Variants in MTDH observed in about 807,000 individuals in gnomAD.
The protein encoded by MTDH is metadherin, also known as protein LYRIC.
In MTDH, 34 loss-of-function variants were observed where a neutral mutation model predicts 72.7. The observed-to-expected ratio is 0.47, with a 90% confidence interval of 0.36 to 0.62. The LOEUF (loss-of-function observed/expected upper bound fraction) is 0.62. MTDH is among the 20% of genes least tolerant of loss of function. The pLI is 0.00. For missense variants in MTDH, 677 were observed against 699.4 expected (o/e 0.97, Z 0.36); for synonymous variants, 266 against 268.9 (o/e 0.99, Z 0.10).
At chr8:97,667,444 T>G (rs1470887234) in intron 2 of MTDH, among the ~76,000 whole-genome samples, 1 of 152,208 alleles carries the variant, frequency 6.6e-6, no homozygotes, top group Non-Finnish European at 1.5e-5. Context: ...ATGCATAAAG[T>G]TTGCTGCAAA....
At chr8:97,707,627 T>C (rs2131050709) in intron 8 of MTDH, among the ~76,000 whole-genome samples, 1 of 152,126 alleles carries the variant, frequency 6.6e-6, no homozygotes, top group East Asian at 1.9e-4. Context: ...ATATAGCAAG[T>C]AGCCATAGAT....
intron 4 of MTDH, 70 bp from the exon 5 acceptor site, chr8:97,688,960 AATTTATGT>A: frequency 1.6e-6 from 1 of 635,492 alleles, no homozygotes. Flanking sequence ...ATTAAAAATT[AATTTATGT>A]GTTACTCCTA....
In MTDH at chr8:97,671,120, C is replaced by T. The variant is rs568297498; in HGVS notation, c.483+9947C>T. Among the ~76,000 whole-genome samples, 4 of 152,114 alleles carry T rather than the reference C, an allele frequency of 2.6e-5. No individual in the cohort carries two copies. The East Asian group carries it at 5.8e-4, about 22-fold the overall frequency. ...AGCTGGGACTACAGGCGCCCACCAC[C>T]GCGCCCGGCTAATTTTTTGTATTTT... On this transcript the variant is annotated intron_variant, in intron 2 of 11. Transcript: ENST00000336273.
intron 2 of MTDH, among the ~76,000 whole-genome samples, chr8:97,675,209 T>C (rs1274699790): frequency 6.6e-6 from 1 of 152,138 alleles, no homozygotes; most frequent in East Asian, 1.9e-4. Flanking sequence ...AAGATGTCAG[T>C]TCACCAAATT....
chr8:97,714,446 C>G (rs1814767084), intron 9 of MTDH, among the ~76,000 whole-genome samples: 1 of 151,776 alleles, frequency 6.6e-6, no homozygotes, highest in South Asian at 2.1e-4. Context: ...AACCCTGTCT[C>G]TACAAAAATT....
chr8:97,725,245 T>A lies in MTDH; in HGVS notation c.*575T>A, dbSNP rs1815308651. 2 of 152,684 alleles carry A rather than the reference T, an allele frequency of 1.3e-5. No homozygotes were observed. Among genetic ancestry groups the A allele is most frequent in the Non-Finnish European group, 2.9e-5 (2 of 68,054 alleles). The allele number at this position is 152,684 out of a possible 1,614,324, so 9.5% of individuals were successfully genotyped here. ...CTGTCATGGTTTAGTTTACAATTTT[T>A]AAAAAGTTCTTAAAATACTGAAAAT... is the stretch of plus-strand genomic sequence containing the variant. On this transcript the variant is annotated 3_prime_UTR_variant, in exon 12 of 12. Coordinates refer to ENST00000336273, the MANE Select transcript of MTDH (RefSeq NM_178812.4).
rs1027760625 is a variant in MTDH, at chr8:97,728,988, T to C, written c.*4318T>C. 6.7e-6 allele frequency among the ~76,000 whole-genome samples: 1 copy of C among 150,338 alleles called. No individual in the cohort carries two copies. Among genetic ancestry groups the C allele is most frequent in the Non-Finnish European group, 1.5e-5 (1 of 67,630 alleles). ...GTGCAGTGGCACACTTCTGGCTCAC[T>C]TCAGCCTGGAACTCCCGGGCTCGAG... On this transcript the variant is annotated 3_prime_UTR_variant, in exon 12 of 12. Transcript: ENST00000336273.
chr8:97,673,412 A>G (rs929564635), intron 2 of MTDH, among the ~76,000 whole-genome samples: 8 of 152,124 alleles, frequency 5.3e-5, no homozygotes, highest in African/African-American at 1.9e-4. Flanking sequence ...TAATCCCAGC[A>G]CTTTGGGAGG....
intron 8 of MTDH, among the ~76,000 whole-genome samples, chr8:97,708,471 G>A (rs186619157): frequency 6.4e-4 from 80 of 125,946 alleles, no homozygotes; most frequent in Middle Eastern, 6.1e-3. Context: ...TAGTAGAGAC[G>A]GGTTTTTGCC....
In MTDH at chr8:97,644,750, C is replaced by T. The variant is rs1444950854; in HGVS notation, c.244C>T (p.Arg82Trp). 1 of 1,569,784 alleles carries T rather than the reference C, an allele frequency of 6.4e-7. No individual in the cohort carries two copies. Among genetic ancestry groups the T allele is most frequent in the Non-Finnish European group, 8.6e-7 (1 of 1,165,258 alleles). ...AAACAGARKK[R>W]RSPPRKREEA... ...GGCTTGCGCCGGCGCCCGCAAAAAG[C>T]GGAGGAGCCCGCCCCGCAAGCGGGA... Residue 82 changes from arginine (R) to tryptophan (W), a missense_variant, in exon 1 of 12, where the codon CGG becomes TGG. Around this residue, in one of 3 missense-constraint regions of MTDH, gnomAD observed 467 missense variants for 469.1 expected, o/e 1.00. Coordinates refer to ENST00000336273, the MANE Select transcript of MTDH (RefSeq NM_178812.4).
At chr8:97,679,361 A>C (rs964561074) in intron 2 of MTDH, among the ~76,000 whole-genome samples, 19 of 152,198 alleles carry the variant, frequency 1.2e-4, no homozygotes, top group African/African-American at 3.9e-4. Context: ...AATAATAATA[A>C]AGTAGAAAGT....
chr8:97,649,750 C>T (rs1811690997), intron 1 of MTDH, among the ~76,000 whole-genome samples: 1 of 151,780 alleles, frequency 6.6e-6, no homozygotes, highest in Non-Finnish European at 1.5e-5. Context: ...ATTACAGGTG[C>T]ACGATACCAC....
intron 2 of MTDH, among the ~76,000 whole-genome samples, chr8:97,676,130 G>A (rs947356183): frequency 6.6e-6 from 1 of 152,076 alleles, no homozygotes; most frequent in Non-Finnish European, 1.5e-5. Context: ...TGTAAAGACA[G>A]GGTCTCACTG....
In MTDH at chr8:97,723,035, A is replaced by G. The variant is rs1355308860; in HGVS notation, c.1678A>G (p.Thr560Ala). 6.2e-7 allele frequency: 1 copy of G among 1,612,786 alleles called. No homozygotes were observed. Among genetic ancestry groups the G allele is most frequent in the African/African-American group, 1.3e-5 (1 of 74,962 alleles). The change falls in exon 11 of 12, where the codon ACC becomes GCC. Residue 560 changes from threonine to alanine, a missense_variant and splice_region_variant. By Grantham distance (58) the Thr-to-Ala change is moderately conservative. This residue lies in a region of MTDH where 201 missense variants were observed against 204.5 expected (regional missense o/e 0.98). Coordinates refer to ENST00000336273, the MANE Select transcript of MTDH (RefSeq NM_178812.4). ...GCAAAATAGTGTGCCTCCTTCACAGAGTAAGTAATCCTCATTTTTTGTTCC... is the reference window on the plus strand; with the variant it reads ...GCAAAATAGTGTGCCTCCTTCACAGGGTAAGTAATCCTCATTTTTTGTTCC... ...TKQNSVPPSQ[T>A]KSETSWESPK...
rs57430782 is a variant in MTDH at position 97,677,004 on chromosome 8, C to CAAAAAAAAAA, written c.484-9652_484-9643dup. 8.0e-3 allele frequency among the ~76,000 whole-genome samples: 186 copies of CAAAAAAAAAA among 23,316 alleles called. 38 individuals carry two copies. The highest frequency in any genetic ancestry group is 0.021 in the African/African-American group (119 of 5,570). The allele number at this position is 23,316 out of a possible 152,430, so 15.3% of individuals were successfully genotyped here. On this transcript the variant is annotated intron_variant, in intron 2 of 11. Coordinates refer to ENST00000336273, the MANE Select transcript of MTDH (RefSeq NM_178812.4). ...TGGGCGACAGAGTGAGACTCTATCTCAAAAAAAAAAAAAAAAAAAAATACA... is the reference window on the plus strand; with the variant it reads ...TGGGCGACAGAGTGAGACTCTATCTCAAAAAAAAAAAAAAAAAAAAAAAAAAAAAAATACA...
intron 2 of MTDH, among the ~76,000 whole-genome samples, chr8:97,685,861 G>A (rs958145948): frequency 6.6e-5 from 10 of 151,846 alleles, no homozygotes; most frequent in African/African-American, 2.4e-4. Flanking sequence ...TTTTATAAAC[G>A]TTAATTCTCT....
chr8:97,712,503 T>C (rs1345438705), intron 8 of MTDH, among the ~76,000 whole-genome samples: 1 of 152,220 alleles, frequency 6.6e-6, no homozygotes. Context: ...GACATTTGTG[T>C]CCTTTCCAGT....
At position 97,722,929 on chromosome 8, in the gene MTDH, AT is replaced by A. The variant is rs1326459677; in HGVS notation, c.1573del (p.Ser525GlnfsTer48). On this transcript the variant is annotated frameshift_variant, in exon 11 of 12. Coordinates refer to ENST00000336273, the MANE Select transcript of MTDH (RefSeq NM_178812.4). LOFTEE classifies it high-confidence loss of function. ...CTTCTACCGAGCCATCTGTAATCTT[AT>A]CAAAAAGTGATTCTGACAAGAGCTC... ...ATSTEPSVILSKSDSDKSSSQ... is the reference protein window; with the variant it reads ...ATSTEPSVILXKSDSDKSSSQ... The A allele has an allele frequency of 6.2e-7, 1 of 1,613,992 alleles. No homozygotes were observed. Among genetic ancestry groups the A allele is most frequent in the South Asian group, 1.1e-5 (1 of 91,076 alleles).
At position 97,691,260 on chromosome 8, in the gene MTDH, A is replaced by C. The variant is rs1464822722; in HGVS notation, c.1048+72A>C. 4 of 1,130,814 alleles carry C rather than the reference A, an allele frequency of 3.5e-6. No homozygotes were observed. In the East Asian group the frequency reaches 7.8e-5, roughly 22 times the overall value. The allele number at this position is 1,130,814 out of a possible 1,614,324, so 70.0% of individuals were successfully genotyped here. On this transcript the variant is annotated intron_variant, in intron 6 of 11. Coordinates refer to ENST00000336273, the MANE Select transcript of MTDH (RefSeq NM_178812.4). The stretch of plus-strand genomic sequence containing the variant: ...TGTACATTTTTAATTTTTCAGAAAT[A>C]GAAAAAAAAACTATGAATAGAAAAA...
Sources: allele counts gnomAD v4.1 joint callset (sites outside exome capture counted in the v4.1 genomes callset), GRCh38; gene constraint gnomAD v4.1.1; regional missense constraint gnomAD v4.1.1; transcripts MANE v1.5; gene names NCBI Gene and HGNC (gene_info 2026-07-23, HGNC 2026-07-21).